Variants in KRT6C observed in about 807,000 individuals in gnomAD.
KRT6C encodes keratin 6C.
A neutral mutation model predicts 49.4 loss-of-function variants in KRT6C; 46 were observed. That is an observed-to-expected ratio of 0.93 (90% CI 0.74 to 1.19). The LOEUF is 1.19. Among genes scored for constraint, KRT6C ranks in the 50% most tolerant of loss-of-function variants. The pLI is 0.00. For missense variants in KRT6C, 552 were observed against 737.5 expected (o/e 0.75, Z 2.91); for synonymous variants, 236 against 297.1 (o/e 0.79, Z 2.12).
rs1232320257 is a variant in KRT6C, at chr12:52,471,884, A to G, written c.756-152T>C. The G allele has an allele frequency of 3.0e-6, 4 of 1,325,114 alleles. No individual in the cohort carries two copies. The African/African-American group carries it at 4.3e-5, about 14-fold the overall frequency. 82.1% of individuals were successfully genotyped at this position (1,325,114 alleles called of 1,614,324 possible). A position where few individuals can be genotyped will look rare whatever the true frequency, so the allele number is the denominator to read the frequency against. ...AAGAGATGAGTTTTGCTACTACTAA[A>G]TTTGCCACTTCTTTAATCCCCCCAT... On this transcript the variant is annotated intron_variant, in intron 2 of 8. Transcript: ENST00000252250.
In KRT6C at chr12:52,472,293, C is replaced by A. The variant is rs374595999; in HGVS notation, c.541-13G>T. On this transcript the variant is annotated splice_polypyrimidine_tract_variant and intron_variant, in intron 1 of 8. Transcript: ENST00000252250. ...CTAGGAACCGCACCTGGAAGGGAAG[C>A]AAGATGGTCATTTTCCAGGCAAAGG... 2.8e-6 allele frequency: 4 copies of A among 1,407,652 alleles called. No individual in the cohort carries two copies. Among genetic ancestry groups the A allele is most frequent in the Non-Finnish European group, 3.9e-6 (4 of 1,019,462 alleles). The allele number at this position is 1,407,652 out of a possible 1,614,324, so 87.2% of individuals were successfully genotyped here. A position where few individuals can be genotyped will look rare whatever the true frequency, so the allele number is the denominator to read the frequency against.
Position 52,473,496 on chromosome 12 carries a change from C to T in KRT6C, c.242G>A (p.Gly81Asp), listed in dbSNP as rs906407223. The T allele has an allele frequency of 1.4e-6, 2 of 1,475,100 alleles. No homozygotes were observed. The highest frequency in any genetic ancestry group is 1.9e-6 in the Non-Finnish European group (2 of 1,072,956). 91.4% of individuals were successfully genotyped at this position (1,475,100 alleles called of 1,614,324 possible). A position where few individuals can be genotyped will look rare whatever the true frequency, so the allele number is the denominator to read the frequency against. ...GCCTCCGGCTCTGCTGCCATAGCCGCCACTGATGGCACAGCTGCCCCCTCC... is the reference window on the plus strand; with the variant it reads ...GCCTCCGGCTCTGCTGCCATAGCCGTCACTGATGGCACAGCTGCCCCCTCC... ...SIGGGSCAIS[G>D]GYGSRAGGSY... is the part of the protein sequence containing the mutation. Residue 81 changes from glycine (G) to aspartate (D), a missense_variant, in exon 1 of 9, where the codon GGC becomes GAC. Gly to Asp is a moderately conservative substitution (Grantham distance 94, BLOSUM62 -1). This residue lies in a region of KRT6C where 54 missense variants were observed against 195.9 expected (regional missense o/e 0.28). Transcript: ENST00000252250.
chr12:52,468,919 G>A lies in KRT6C; in HGVS notation c.*143C>T. 1.0e-6 allele frequency: 1 copy of A among 986,304 alleles called. No homozygotes were observed. Among genetic ancestry groups the A allele is most frequent in the Non-Finnish European group, 1.5e-6 (1 of 658,326 alleles). The allele number at this position is 986,304 out of a possible 1,614,324, so 61.1% of individuals were successfully genotyped here. A position where few individuals can be genotyped will look rare whatever the true frequency, so the allele number is the denominator to read the frequency against. ...GGGGCAGGTATAGACAGAGAGAAGT[G>A]AGGGCACTAAGCATCCATACCCAGC... On this transcript the variant is annotated 3_prime_UTR_variant, in exon 9 of 9. Coordinates refer to ENST00000252250, the MANE Select transcript of KRT6C (RefSeq NM_173086.5).
chr12:52,473,569 C>T lies in KRT6C; in HGVS notation c.169G>A (p.Gly57Ser). 1 of 1,600,824 alleles carries T rather than the reference C, an allele frequency of 6.2e-7. No individual in the cohort carries two copies. The highest frequency in any genetic ancestry group is 8.5e-7 in the Non-Finnish European group (1 of 1,174,464). ...LGGACGGAGF[G>S]SRSLYGLGGS... ...CCCAGGCCATACAGACTGCGGCTGC[C>T]AAAGCCAGCTCCTCCACATGCACCA... Residue 57 changes from glycine to serine, a missense_variant, in exon 1 of 9, where the codon GGC (glycine) becomes AGC (serine). This residue lies in a region of KRT6C where 73 missense variants were observed against 102.1 expected (regional missense o/e 0.71). Transcript: ENST00000252250.
rs371188944 is a variant in KRT6C, at chr12:52,472,284, G to T, written c.541-4C>A. On this transcript the variant is annotated splice_polypyrimidine_tract_variant and splice_region_variant and intron_variant, in intron 1 of 8. Transcript: ENST00000252250. ...TCTGCTGCTCTAGGAACCGCACCTG[G>T]AAGGGAAGCAAGATGGTCATTTTCC... is the stretch of plus-strand genomic sequence containing the variant. 1.4e-6 allele frequency: 2 copies of T among 1,409,438 alleles called. No individual in the cohort carries two copies. Among genetic ancestry groups the T allele is most frequent in the South Asian group, 1.2e-5 (1 of 86,042 alleles). The allele number at this position is 1,409,438 out of a possible 1,614,324, so 87.3% of individuals were successfully genotyped here. A position where few individuals can be genotyped will look rare whatever the true frequency, so the allele number is the denominator to read the frequency against.
intron 5 of KRT6C, 78 bp from the exon 6 acceptor site, chr12:52,470,708 G>C (rs1258073203): frequency 1.7e-5 from 27 of 1,611,730 alleles, no homozygotes; most frequent in Non-Finnish European, 2.1e-5. Context: ...TGTGTATCAT[G>C]CATGTCATGA....
chr12:52,470,258 C>T, intron 6 of KRT6C: 1 of 627,414 alleles, frequency 1.6e-6, no homozygotes, highest in South Asian at 1.9e-5. Flanking sequence ...AAAATTATGA[C>T]CATCTGTAGG....
rs191326044 is a variant in KRT6C at position 52,471,362 on chromosome 12, C to T, written c.912+59G>A. 1.3e-4 allele frequency: 209 copies of T among 1,614,216 alleles called. No individual in the cohort carries two copies. The East Asian group carries it at 4.2e-3, about 33-fold the overall frequency. On this transcript the variant is annotated intron_variant, in intron 4 of 8. Coordinates refer to ENST00000252250, the MANE Select transcript of KRT6C (RefSeq NM_173086.5). Reference sequence around the variant, plus strand: ...ATTTACAGAGATACCCAACCCTATACATCTTCTCCCCTTTGCAGACCCCAT... The same window carrying T: ...ATTTACAGAGATACCCAACCCTATATATCTTCTCCCCTTTGCAGACCCCAT...
chr12:52,471,511 C>T lies in KRT6C; in HGVS notation c.822G>A (p.Val274=), dbSNP rs758971712. The T allele has an allele frequency of 2.5e-6, 4 of 1,613,418 alleles. No homozygotes were observed. Among genetic ancestry groups the T allele is most frequent in the Non-Finnish European group, 3.4e-6 (4 of 1,179,746 alleles). The change falls in exon 4 of 9, where the codon GTG becomes GTA. Residue 274 remains valine (V), a synonymous_variant. Transcript: ENST00000252250. ...CAACCTTGTTCATGTAGGCAGCATC[C>T]ACATCCTGGGGAAAGAGCCAACAAC... ...ENEFVTLKKD[V]DAAYMNKVEL... is the part of the protein sequence containing the mutation.
intron 6 of KRT6C, 113 bp from the exon 7 acceptor site, chr12:52,470,003 A>ACAG: frequency 8.5e-7 from 1 of 1,182,752 alleles, no homozygotes; most frequent in Non-Finnish European, 1.2e-6. Flanking sequence ...ATGAGCTTTG[A>ACAG]CTCTTCCTGT....
chr12:52,470,612 T>C lies in KRT6C; in HGVS notation c.1096A>G (p.Thr366Ala), dbSNP rs1937860363. 6.2e-7 allele frequency: 1 copy of C among 1,613,918 alleles called. No homozygotes were observed. The highest frequency in any genetic ancestry group is 1.7e-5 in the Admixed American group (1 of 60,000). Residue 366 changes from threonine (T) to alanine (A), a missense_variant, in exon 6 of 9, where the codon ACA becomes GCA. By Grantham distance (58) the Thr-to-Ala change is moderately conservative (BLOSUM62 0). Coordinates refer to ENST00000252250, the MANE Select transcript of KRT6C (RefSeq NM_173086.5). ...AGGTCGTCCCCATGTCTGCCTGCTG[T>C]GACCTGCAGCTCCTCGTACTGCAGC... ...YQTKYEELQV[T>A]AGRHGDDLRN... is the part of the protein sequence containing the mutation.
In KRT6C at chr12:52,469,847, C is replaced by A; in HGVS notation, c.1247G>T (p.Gly416Val). The change falls in exon 7 of 9, where the codon GGG (glycine) becomes GTG (valine). Residue 416 changes from glycine (G) to valine (V), a missense_variant. Transcript: ENST00000252250. ...CTTAGCATCCTTGAGTGCCATCTCCCCACGCTGCTCAGCATCAGCAATGGC... is the reference window on the plus strand; with the variant it reads ...CTTAGCATCCTTGAGTGCCATCTCCACACGCTGCTCAGCATCAGCAATGGC... ...QAAIADAEQR[G>V]EMALKDAKNK... 6.2e-7 allele frequency: 1 copy of A among 1,614,114 alleles called. No homozygotes were observed.
chr12:52,473,800 C>T lies in KRT6C; in HGVS notation c.-63G>A. The stretch of plus-strand genomic sequence containing the variant: ...GGCTGGAGGCGAGAGGCAGGAGAAG[C>T]AGGACAAGGAATCGGGCTCCAGCAG... On this transcript the variant is annotated 5_prime_UTR_variant, in exon 1 of 9. Transcript: ENST00000252250. The T allele has an allele frequency of 6.2e-7, 1 of 1,611,922 alleles. No individual in the cohort carries two copies. Among genetic ancestry groups the T allele is most frequent in the South Asian group, 1.1e-5 (1 of 90,820 alleles).
Position 52,473,727 on chromosome 12 carries a change from G to A in KRT6C, c.11C>T (p.Thr4Ile), listed in dbSNP as rs761794381. Reference sequence around the variant, plus strand: ...GCTGTGGCTCCTGATGGTGGTGGATGTGCTGGCCATGGTTCCAGGAGATGA... The same window carrying A: ...GCTGTGGCTCCTGATGGTGGTGGATATGCTGGCCATGGTTCCAGGAGATGA... The part of the protein sequence containing the change: MAS[T>I]STTIRSHSSS... Residue 4 changes from threonine to isoleucine, a missense_variant, in exon 1 of 9, where the codon ACA becomes ATA. Around this residue, in one of 3 missense-constraint regions of KRT6C, gnomAD observed 73 missense variants for 102.1 expected, o/e 0.71. Coordinates refer to ENST00000252250, the MANE Select transcript of KRT6C (RefSeq NM_173086.5). 4 of 1,614,028 alleles carry A rather than the reference G, an allele frequency of 2.5e-6. No individual in the cohort carries two copies. Among genetic ancestry groups the A allele is most frequent in the Non-Finnish European group, 3.4e-6 (4 of 1,180,028 alleles).
Position 52,471,561 on chromosome 12 carries a change from C to T in KRT6C, c.817-45G>A, listed in dbSNP as rs887618574. The stretch of plus-strand genomic sequence containing the variant: ...CCTGGAGTTACCTGAGCTCACCTTT[C>T]CAATCTACCCATCTTCTAGTCCTCC... On this transcript the variant is annotated intron_variant, in intron 3 of 8. Transcript: ENST00000252250. 8 of 1,595,864 alleles carry T rather than the reference C, an allele frequency of 5.0e-6. No individual in the cohort carries two copies. In the African/African-American group the frequency reaches 1.0e-4, roughly 20 times the overall value.
intron 6 of KRT6C, 44 bp from the exon 7 acceptor site, chr12:52,469,934 C>T (rs371038895): frequency 3.4e-5 from 54 of 1,610,212 alleles, no homozygotes; most frequent in Middle Eastern, 3.3e-4. Context: ...TCTGCTCCTC[C>T]GGAGGAGGCT....
Position 52,471,493 on chromosome 12 carries a change from G to A in KRT6C, c.840C>T (p.Asn280=), listed in dbSNP as rs765246452. The change falls in exon 4 of 9, where the codon AAC becomes AAT. Residue 280 remains asparagine (N), a synonymous_variant. Coordinates refer to ENST00000252250, the MANE Select transcript of KRT6C (RefSeq NM_173086.5). ...CTGCCTTGGCTTGCAGTTCAACCTT[G>A]TTCATGTAGGCAGCATCCACATCCT... ...LKKDVDAAYM[N]KVELQAKADT... is the part of the protein sequence containing the mutation. The A allele has an allele frequency of 1.8e-5, 29 of 1,613,470 alleles. No homozygotes were observed. The highest frequency in any genetic ancestry group is 3.3e-4 in the Middle Eastern group (2 of 6,078).
chr12:52,472,500 G>A (rs1295522287), intron 1 of KRT6C, among the ~76,000 whole-genome samples: 2 of 134,892 alleles, frequency 1.5e-5, no homozygotes, highest in Non-Finnish European at 3.4e-5. Flanking sequence ...GTGTTCTCAC[G>A]CTGTAAGCTA....
intron 4 of KRT6C, 36 bp from the exon 5 acceptor site, chr12:52,471,332 C>G (rs1208117959): frequency 1.2e-6 from 2 of 1,614,232 alleles, no homozygotes; most frequent in East Asian, 2.2e-5. Context: ...AACTTCACAT[C>G]TGACATTTAC....
Sources: allele counts gnomAD v4.1 joint callset (sites outside exome capture counted in the v4.1 genomes callset), GRCh38; gene constraint gnomAD v4.1.1; regional missense constraint gnomAD v4.1.1; transcripts MANE v1.5; gene names NCBI Gene and HGNC (gene_info 2026-07-23, HGNC 2026-07-21).